The following ENTPD3 variants were observed in gnomAD, a reference collection of about 807,000 sequenced individuals.
ENTPD3 encodes CD39 antigen-like 3.
In ENTPD3, 60 loss-of-function variants were observed where a neutral mutation model predicts 51.2. That is an observed-to-expected ratio of 1.17 (90% CI 0.95 to 1.45). The LOEUF (loss-of-function observed/expected upper bound fraction) is 1.45, where lower values mean the gene tolerates loss of function less well. Ranked by LOEUF, ENTPD3 falls within the 40% of genes most tolerant of loss-of-function variation. The probability of loss-of-function intolerance (pLI) is 0.00; values close to 1 mark genes in which losing one functional copy is unlikely to be tolerated. For synonymous variants in ENTPD3, 221 were observed against 238.4 expected (o/e 0.93, Z 0.67); for missense variants, 593 against 641.1 (o/e 0.93, Z 0.81).
intron 2 of ENTPD3, among the ~76,000 whole-genome samples, chr3:40,390,502 ATTAT>A (rs1391799051): frequency 2.0e-5 from 3 of 152,096 alleles, no homozygotes. Context: ...GCCCAAGATT[ATTAT>A]TTAGTCAGTA....
chr3:40,411,597 GC>G (rs1320938507), intron 4 of ENTPD3, among the ~76,000 whole-genome samples: 3 of 151,808 alleles, frequency 2.0e-5, no homozygotes, highest in African/African-American at 7.3e-5. Context: ...TTTAAAGTAG[GC>G]CCTGGCTTAC....
chr3:40,389,861 G>A (rs749397289), intron 2 of ENTPD3, among the ~76,000 whole-genome samples: 1 of 152,188 alleles, frequency 6.6e-6, no homozygotes, highest in African/African-American at 2.4e-5. Flanking sequence ...AAATAATGGA[G>A]GGGTAAAGCA....
At chr3:40,416,933 C>G (rs1955761388) in intron 7 of ENTPD3, among the ~76,000 whole-genome samples, 1 of 152,128 alleles carries the variant, frequency 6.6e-6, no homozygotes, top group Admixed American at 6.5e-5. Flanking sequence ...ACTCTGATAA[C>G]TGAAGACAGG....
chr3:40,424,270 A>C, intron 10 of ENTPD3: 1 of 563,096 alleles, frequency 1.8e-6, no homozygotes, highest in Non-Finnish European at 2.3e-6. Context: ...TAGAGCCTAG[A>C]AGGTACTTAG....
intron 4 of ENTPD3, among the ~76,000 whole-genome samples, chr3:40,408,397 T>C (rs114314079): frequency 0.02 from 3,111 of 152,238 alleles, 45 homozygotes; most frequent in Middle Eastern, 0.061. Context: ...TTCCTAGAGA[T>C]GGAAAAAAGA....
chr3:40,387,741 G>T (rs1471955565), intron 1 of ENTPD3, among the ~76,000 whole-genome samples: 1 of 152,162 alleles, frequency 6.6e-6, no homozygotes, highest in East Asian at 1.9e-4. Context: ...GGGAAGATTT[G>T]TTCTCTCTTG....
At chr3:40,402,111 C>CTTTT (rs775322652) in intron 4 of ENTPD3, among the ~76,000 whole-genome samples, 10 of 97,280 alleles carry the variant, frequency 1.0e-4, no homozygotes, top group South Asian at 3.4e-4. Flanking sequence ...ATTTCCTTTC[C>CTTTT]TTTTTTTTTT....
chr3:40,398,848 C>A (rs986903495), intron 3 of ENTPD3, among the ~76,000 whole-genome samples: 1 of 152,140 alleles, frequency 6.6e-6, no homozygotes, highest in Non-Finnish European at 1.5e-5. Flanking sequence ...AAAGTGAATA[C>A]AATGAATGTA....
At chr3:40,411,014 G>A (rs769254996) in intron 4 of ENTPD3, among the ~76,000 whole-genome samples, 7 of 152,146 alleles carry the variant, frequency 4.6e-5, no homozygotes, top group Non-Finnish European at 7.4e-5. Context: ...TTTTTGGCAA[G>A]GCATGGTGGC....
intron 9 of ENTPD3, 145 bp from the exon 10 acceptor site, chr3:40,423,681 G>C: frequency 3.2e-6 from 3 of 928,570 alleles, no homozygotes; most frequent in Non-Finnish European, 4.8e-6. Context: ...TAATTATATT[G>C]TGTGATTATA....
chr3:40,398,117 G>A (rs1270161369), intron 3 of ENTPD3, among the ~76,000 whole-genome samples: 1 of 152,136 alleles, frequency 6.6e-6, no homozygotes, highest in Non-Finnish European at 1.5e-5. Flanking sequence ...ATATCAGCAG[G>A]TGCCGGAGGG....
In ENTPD3 at chr3:40,427,517, AG is replaced by A. The variant is rs1404616217; in HGVS notation, c.*10del. On this transcript the variant is annotated 3_prime_UTR_variant, in exon 11 of 11. Coordinates refer to ENST00000301825, the MANE Select transcript of ENTPD3 (RefSeq NM_001248.4). ...CAGTGGATTCTGACTGAGCCTTCAA[AG>A]CAGCTCCTGGAGTCCAATGGCTGCT... 2 of 1,607,784 alleles carry A rather than the reference AG, an allele frequency of 1.2e-6. No homozygotes were observed. Among genetic ancestry groups the A allele is most frequent in the South Asian group, 2.2e-5 (2 of 90,930 alleles).
chr3:40,388,372 TTAGC>T (rs1026730453), intron 2 of ENTPD3, among the ~76,000 whole-genome samples: 40 of 152,308 alleles, frequency 2.6e-4, no homozygotes, highest in African/African-American at 9.1e-4. Flanking sequence ...GTGGTTTCCC[TTAGC>T]TAGCTGTGTG....
intron 4 of ENTPD3, among the ~76,000 whole-genome samples, chr3:40,403,957 C>G (rs1318637037): frequency 1.3e-5 from 2 of 152,134 alleles, no homozygotes; most frequent in African/African-American, 4.8e-5. Context: ...CGGATATTTT[C>G]TGAGTATTGC....
intron 7 of ENTPD3, among the ~76,000 whole-genome samples, chr3:40,420,949 G>A (rs992413956): frequency 6.6e-6 from 1 of 151,756 alleles, no homozygotes; most frequent in Non-Finnish European, 1.5e-5. Context: ...GTGCCCAGGA[G>A]TTTGAGACCA....
intron 7 of ENTPD3, among the ~76,000 whole-genome samples, chr3:40,421,166 G>A (rs1197225882): frequency 6.6e-6 from 1 of 151,860 alleles, no homozygotes; most frequent in African/African-American, 2.4e-5. Flanking sequence ...TGGGACTACA[G>A]GTGCGTGCCA....
At chr3:40,410,275 T>C (rs9843965) in intron 4 of ENTPD3, among the ~76,000 whole-genome samples, 39,342 of 151,670 alleles carry the variant, frequency 0.26, 5,950 homozygotes, top group East Asian at 0.48. Context: ...ACTCTGTCTC[T>C]ACAAAAAATA....
chr3:40,402,116 T>TTTTTTC (rs1261076343), intron 4 of ENTPD3, among the ~76,000 whole-genome samples: 70 of 32,362 alleles, frequency 2.2e-3, no homozygotes, highest in African/African-American at 3.3e-3. Context: ...CTTTCCTTTT[T>TTTTTTC]TTTTTTCTTT....
intron 3 of ENTPD3, among the ~76,000 whole-genome samples, chr3:40,397,119 C>CTTTTTTTTGTTTTTTT (rs1955222426): frequency 2.0e-5 from 2 of 101,244 alleles, no homozygotes; most frequent in African/African-American, 7.4e-5. Context: ...TAATTAGTTT[C>CTTTTTTTTGTTTTTTT]TTTTTTTTTT....
Sources: allele counts gnomAD v4.1 joint callset (sites outside exome capture counted in the v4.1 genomes callset), GRCh38; gene constraint gnomAD v4.1.1; transcripts MANE v1.5; gene names NCBI Gene and HGNC (gene_info 2026-07-23, HGNC 2026-07-21).